Variants in EML3 observed in about 807,000 individuals in gnomAD.
EML3 encodes the protein echinoderm microtubule-associated protein-like 3.
Under a neutral mutation model 106.7 loss-of-function variants are expected in EML3, and 53 were observed. The ratio of observed to expected loss-of-function variants is 0.50; its 90% CI spans 0.40 to 0.62. The LOEUF (loss-of-function observed/expected upper bound fraction) is 0.62. Among genes scored for constraint, EML3 ranks in the 20% least tolerant of loss-of-function variants. The pLI is 0.00. For synonymous variants in EML3, 499 were observed against 489.6 expected, an observed-to-expected ratio of 1.02 and a Z score of -0.25; for missense variants, 994 against 1,209.1, an observed-to-expected ratio of 0.82 and a Z score of 2.64.
chr11:62,611,803 G>T, intron 1 of EML3: 1 of 602,406 alleles, frequency 1.7e-6, no homozygotes, highest in Non-Finnish European at 2.8e-6. Context: ...ACCTGGCAAA[G>T]CTCCCTTCCT....
chr11:62,604,634 C>T (rs530033821), intron 16 of EML3: 163 of 223,164 alleles, frequency 7.3e-4, no homozygotes, highest in African/African-American at 3.4e-3. Flanking sequence ...CGCCTCAGCT[C>T]CCAAAGCGCT....
At chr11:62,609,774 G>T in intron 4 of EML3, 78 bp from the exon 5 acceptor site, 1 of 1,318,684 alleles carries the variant, frequency 7.6e-7, no homozygotes, top group South Asian at 1.4e-5. Context: ...CACAAGAAAA[G>T]AGGTCACTGC....
At chr11:62,606,423 A>C (rs1942523885) in intron 12 of EML3, 2 of 644,972 alleles carry the variant, frequency 3.1e-6, no homozygotes, top group Non-Finnish European at 2.6e-6. Context: ...AACTTCCTAA[A>C]GGCAAGGCAA....
At chr11:62,607,903 C>G (rs778363217) in intron 10 of EML3, 82 bp from the exon 11 acceptor site, 17 of 1,522,208 alleles carry the variant, frequency 1.1e-5, no homozygotes, top group Non-Finnish European at 1.5e-5. Context: ...TGCATCATGA[C>G]AGCTGGCTGG....
At chr11:62,604,229 A>T (rs1942399380) in intron 16 of EML3, 28 bp from the exon 17 acceptor site, 1 of 1,611,330 alleles carries the variant, frequency 6.2e-7, no homozygotes, top group African/African-American at 1.3e-5. Flanking sequence ...GGAGGCAGAT[A>T]GGAAGACGAA....
intron 1 of EML3, 72 bp from the exon 2 acceptor site, chr11:62,611,668 C>T: frequency 6.7e-7 from 1 of 1,496,852 alleles, no homozygotes; most frequent in African/African-American, 1.4e-5. Flanking sequence ...TTCTGTCTCC[C>T]CACAACTTTA....
rs762279042 is a variant in EML3 at position 62,604,185 on chromosome 11, T to A, written c.1999A>T (p.Thr667Ser). Reference sequence around the variant, plus strand: ...TCAGACACGATCTCTCTGGTCTCTGTGTCCAAAACCAACCACCTGGAAGGG... The same window carrying A: ...TCAGACACGATCTCTCTGGTCTCTGAGTCCAAAACCAACCACCTGGAAGGG... ...LNTGRWLVLD[T>S]ETREIVSDVI... is the part of the protein sequence containing the mutation. Residue 667 changes from threonine (T) to serine (S), a missense_variant, in exon 17 of 22, where the codon ACA becomes TCA. By Grantham distance (58) the Thr-to-Ser change is moderately conservative (BLOSUM62 1). Transcript: ENST00000394773. The A allele has an allele frequency of 6.2e-7, 1 of 1,613,560 alleles. No homozygotes were observed. The highest frequency in any genetic ancestry group is 8.5e-7 in the Non-Finnish European group (1 of 1,179,930).
At chr11:62,610,671 A>C (rs991757247) in intron 4 of EML3, among the ~76,000 whole-genome samples, 5 of 152,102 alleles carry the variant, frequency 3.3e-5, no homozygotes, top group Admixed American at 6.5e-5. Flanking sequence ...CCTAACCCCC[A>C]AGGATGTTGT....
Position 62,603,197 on chromosome 11 carries a change from C to A in EML3, c.2308G>T (p.Asp770Tyr). 2 of 1,614,072 alleles carry A rather than the reference C, an allele frequency of 1.2e-6. No homozygotes were observed. Among genetic ancestry groups the A allele is most frequent in the Non-Finnish European group, 1.7e-6 (2 of 1,180,040 alleles). ...KQLKNRYESR[D>Y]REWATYTCVL... ...CAGGTGTAGGTAGCCCATTCCCGGTCTCGGCTCTCATAGCGATTCTTCAGC... is the reference window on the plus strand; with the variant it reads ...CAGGTGTAGGTAGCCCATTCCCGGTATCGGCTCTCATAGCGATTCTTCAGC... Residue 770 changes from aspartate to tyrosine, a missense_variant, in exon 20 of 22, where the codon GAC becomes TAC. Physicochemically the swap from Asp to Tyr is radical, Grantham distance 160. This residue lies in a region of EML3 where 713 missense variants were observed against 920.5 expected (regional missense o/e 0.77). Coordinates refer to ENST00000394773, the MANE Select transcript of EML3 (RefSeq NM_153265.3).
At chr11:62,608,011 A>G in intron 10 of EML3, 190 bp from the exon 11 acceptor site, 3 of 787,594 alleles carry the variant, frequency 3.8e-6, no homozygotes, top group Non-Finnish European at 6.3e-6. Flanking sequence ...CTAATACCTA[A>G]CACATTATGC....
At chr11:62,609,242 G>T (rs1942689331) in intron 6 of EML3, 110 bp from the exon 7 acceptor site, 4 of 1,562,702 alleles carry the variant, frequency 2.6e-6, no homozygotes, top group Non-Finnish European at 3.5e-6. Flanking sequence ...ATGATGGTAG[G>T]AGAGGATCTA....
Position 62,605,491 on chromosome 11 carries a change from C to A in EML3, c.1914+151G>T, listed in dbSNP as rs900002619. On this transcript the variant is annotated intron_variant, in intron 15 of 21. Transcript: ENST00000394773. This position sits in a 1 kb window ranked among gnomAD's most constrained non-coding sequence, Gnocchi z 5.2. ...AAGCATCAGCTTTTACCAGTCAGTA[C>A]AGAAAAATTAATATTTGAGTAGCCA... is the stretch of plus-strand genomic sequence containing the variant. 7.8e-6 allele frequency: 9 copies of A among 1,156,740 alleles called. 1 individual carries two copies. Among genetic ancestry groups the A allele is most frequent in the South Asian group, 3.3e-5 (2 of 60,518 alleles). 71.7% of individuals were successfully genotyped at this position (1,156,740 alleles called of 1,614,324 possible).
chr11:62,603,463 T>A (rs1942348402), intron 19 of EML3, among the ~76,000 whole-genome samples: 1 of 152,130 alleles, frequency 6.6e-6, no homozygotes, highest in African/African-American at 2.4e-5. Context: ...GAGTTCCTCC[T>A]CCCTAGATAA....
Position 62,602,553 on chromosome 11 carries a change from G to A in EML3, c.2613C>T (p.Gly871=). ...CGGGCGCCGGCCCCGCGCCCCCAGC[G>A]CCCAGCACTCGCCACTGGAAGATGC... The part of the protein sequence containing the change: ...DASIFQWRVL[G]AGGAGPAPAT... The change falls in exon 22 of 22, where the codon GGC becomes GGT. Residue 871 remains glycine (G), a synonymous_variant. Coordinates refer to ENST00000394773, the MANE Select transcript of EML3 (RefSeq NM_153265.3). 1 of 1,507,896 alleles carries A rather than the reference G, an allele frequency of 6.6e-7. No homozygotes were observed. The highest frequency in any genetic ancestry group is 8.9e-7 in the Non-Finnish European group (1 of 1,128,346). The allele number at this position is 1,507,896 out of a possible 1,614,324, so 93.4% of individuals were successfully genotyped here.
At position 62,603,670 on chromosome 11, in the gene EML3, C is replaced by A. The variant is rs185077821; in HGVS notation, c.2257+59G>T. On this transcript the variant is annotated intron_variant, in intron 19 of 21. Transcript: ENST00000394773. ...ATCTAACAACACCTCTAACAGCCCC[C>A]CCTACACAAAACCCACTCCAATTAC... is the stretch of plus-strand genomic sequence containing the variant. The A allele has an allele frequency of 7.7e-5, 111 of 1,439,144 alleles. No homozygotes were observed. The African/African-American group carries it at 1.5e-3, about 19-fold the overall frequency. The allele number at this position is 1,439,144 out of a possible 1,614,324, so 89.1% of individuals were successfully genotyped here.
chr11:62,603,225 C>T lies in EML3; in HGVS notation c.2280G>A (p.Lys760=). Residue 760 remains lysine, a synonymous_variant, in exon 20 of 22, where the codon AAG becomes AAA. Coordinates refer to ENST00000394773, the MANE Select transcript of EML3 (RefSeq NM_153265.3). ...GGCTCTCATAGCGATTCTTCAGCTGCTTGCAGCCTCCAGCCACGTCCCCTG... is the reference window on the plus strand; with the variant it reads ...GGCTCTCATAGCGATTCTTCAGCTGTTTGCAGCCTCCAGCCACGTCCCCTG... ...ILYWDVAGGC[K]QLKNRYESRD... The T allele has an allele frequency of 1.2e-6, 2 of 1,613,924 alleles. No individual in the cohort carries two copies. Among genetic ancestry groups the T allele is most frequent in the Non-Finnish European group, 1.7e-6 (2 of 1,180,036 alleles).
chr11:62,605,734 AG>A lies in EML3; in HGVS notation c.1821del (p.Ser608ProfsTer48). The part of the protein sequence containing the change: ...TDELWGLCTH[P>X]SQNRFLTCGH... ...CCGCAGGTGAGGAAGCGGTTCTGGG[AG>A]GGGTGTGTGCAGAGCCCCCAGAGCT... On this transcript the variant is annotated frameshift_variant, in exon 15 of 22. Transcript: ENST00000394773. LOFTEE classifies it high-confidence loss of function. The surrounding 1 kb of genome is among the most constrained non-coding windows in gnomAD (Gnocchi z 5.2). 6.2e-7 allele frequency: 1 copy of A among 1,600,278 alleles called. No individual in the cohort carries two copies. Among genetic ancestry groups the A allele is most frequent in the Non-Finnish European group, 8.5e-7 (1 of 1,172,726 alleles).
chr11:62,610,554 C>T (rs1942759568), intron 4 of EML3, among the ~76,000 whole-genome samples: 1 of 152,112 alleles, frequency 6.6e-6, no homozygotes, highest in Non-Finnish European at 1.5e-5. Context: ...GAACTGGAGT[C>T]AGGAAGAGTT....
Position 62,603,951 on chromosome 11 carries a change from C to T in EML3, c.2162G>A (p.Arg721His), listed in dbSNP as rs1174820783. The T allele has an allele frequency of 1.2e-6, 2 of 1,613,992 alleles. No individual in the cohort carries two copies. Among genetic ancestry groups the T allele is most frequent in the Non-Finnish European group, 1.7e-6 (2 of 1,180,012 alleles). The change falls in exon 18 of 22, where the codon CGC becomes CAC. Residue 721 changes from arginine to histidine, a missense_variant. By Grantham distance (29) the Arg-to-His change is conservative. This residue lies in a region of EML3 where 713 missense variants were observed against 920.5 expected (regional missense o/e 0.77). Coordinates refer to ENST00000394773, the MANE Select transcript of EML3 (RefSeq NM_153265.3). ...ACACCCCAACTTCCTCACCATACAG[C>T]GGCCAAAGCGGCTGGATTTGGCACC... ...SDGAKSSRFG[R>H]CMGHSSFITH...
Sources: allele counts gnomAD v4.1 joint callset (sites outside exome capture counted in the v4.1 genomes callset), GRCh38; gene constraint gnomAD v4.1.1; regional missense constraint gnomAD v4.1.1; non-coding constraint Gnocchi (gnomAD v3.1); transcripts MANE v1.5; gene names NCBI Gene and HGNC (gene_info 2026-07-23, HGNC 2026-07-21).